ADAMTS12: variants seen among roughly 807,000 people sequenced by gnomAD.
ADAMTS12 encodes the protein A disintegrin and metalloproteinase with thrombospondin motifs 12.
Under a neutral mutation model 167.8 loss-of-function variants are expected in ADAMTS12, and 118 were observed. The ratio of observed to expected loss-of-function variants is 0.70; its 90% CI spans 0.61 to 0.82. The LOEUF is 0.82. ADAMTS12 is among the 40% of genes least tolerant of loss of function. The pLI is 0.00. For synonymous variants in ADAMTS12, 704 were observed against 716.9 expected (o/e 0.98, Z 0.29); for missense variants, 1,916 against 1,998.8 (o/e 0.96, Z 0.79).
At chr5:33,711,088 CA>C (rs1302263522) in intron 3 of ADAMTS12, among the ~76,000 whole-genome samples, 1 of 152,068 alleles carries the variant, frequency 6.6e-6, no homozygotes, top group Non-Finnish European at 1.5e-5. Context: ...CCACCATTTT[CA>C]AATACCATGT....
intron 12 of ADAMTS12, among the ~76,000 whole-genome samples, chr5:33,635,264 G>A (rs1561185230): frequency 6.6e-6 from 1 of 152,090 alleles, no homozygotes; most frequent in Non-Finnish European, 1.5e-5. Flanking sequence ...AGGGTTGTTG[G>A]GTTTTCTAGC....
chr5:33,761,408 T>C (rs1745350173), intron 2 of ADAMTS12, among the ~76,000 whole-genome samples: 1 of 152,138 alleles, frequency 6.6e-6, no homozygotes, highest in Non-Finnish European at 1.5e-5. Context: ...TCACAATGAT[T>C]TGTGGCAGAG....
chr5:33,778,602 T>C (rs1488483256), intron 2 of ADAMTS12, among the ~76,000 whole-genome samples: 1 of 150,234 alleles, frequency 6.7e-6, no homozygotes, highest in Non-Finnish European at 1.5e-5. Flanking sequence ...GACATTGGTC[T>C]TGGCAAGGAT....
At position 33,869,259 on chromosome 5, in the gene ADAMTS12, T is replaced by C. The variant is rs6861879; in HGVS notation, c.489+11860A>G. ...TATGTCAGGCCACTGCTCCAGAGGA[T>C]GCAAGCTGTAAGCCTCAGTGGCTTC... On this transcript the variant is annotated intron_variant, in intron 2 of 23. Transcript: ENST00000504830. 3.3e-3 allele frequency among the ~76,000 whole-genome samples: 504 copies of C among 152,256 alleles called. 2 individuals are homozygous for C. The highest frequency in any genetic ancestry group is 0.011 in the African/African-American group (468 of 41,554).
chr5:33,696,238 G>A (rs921267421), intron 3 of ADAMTS12, among the ~76,000 whole-genome samples: 5 of 151,732 alleles, frequency 3.3e-5, no homozygotes, highest in Non-Finnish European at 7.4e-5. Flanking sequence ...TGGCTAACAC[G>A]GTGAAACCCC....
At chr5:33,819,558 TTTTG>T (rs1747793862) in intron 2 of ADAMTS12, among the ~76,000 whole-genome samples, 1 of 152,094 alleles carries the variant, frequency 6.6e-6, no homozygotes, top group Non-Finnish European at 1.5e-5. Flanking sequence ...TGCAGTTTGT[TTTTG>T]TTTTTGTTTT....
intron 1 of ADAMTS12, among the ~76,000 whole-genome samples, chr5:33,884,441 T>G (rs1750568210): frequency 6.6e-6 from 1 of 152,206 alleles, no homozygotes; most frequent in Admixed American, 6.5e-5. Context: ...TCACCAAATG[T>G]CATTCCAGGC....
At chr5:33,881,521 G>C in intron 1 of ADAMTS12, 41 bp from the exon 2 acceptor site, 2 of 1,581,402 alleles carry the variant, frequency 1.3e-6, no homozygotes, top group Non-Finnish European at 8.6e-7. Context: ...GAGGGAGATT[G>C]GTAGTAAAGC....
chr5:33,675,310 G>A (rs1293913916), intron 5 of ADAMTS12, among the ~76,000 whole-genome samples: 1 of 152,172 alleles, frequency 6.6e-6, no homozygotes, highest in Admixed American at 6.5e-5. Context: ...AAATATATGG[G>A]CAGGTCTGCA....
chr5:33,545,848 C>T (rs1488274656), intron 22 of ADAMTS12, among the ~76,000 whole-genome samples: 2 of 116,706 alleles, frequency 1.7e-5, no homozygotes, highest in Non-Finnish European at 3.3e-5. Flanking sequence ...ACATCACACA[C>T]TGGGGCCTGT....
At chr5:33,636,215 G>A (rs1363238440) in intron 12 of ADAMTS12, among the ~76,000 whole-genome samples, 1 of 152,152 alleles carries the variant, frequency 6.6e-6, no homozygotes, top group Non-Finnish European at 1.5e-5. Context: ...CTAAGCACAT[G>A]TGATATCACT....
intron 2 of ADAMTS12, among the ~76,000 whole-genome samples, chr5:33,873,905 T>C (rs1419825186): frequency 6.6e-6 from 1 of 152,186 alleles, no homozygotes; most frequent in Non-Finnish European, 1.5e-5. Context: ...ATAAATCTTA[T>C]ATTCTTCAAG....
intron 2 of ADAMTS12, among the ~76,000 whole-genome samples, chr5:33,826,356 A>T (rs1056077857): frequency 2.8e-5 from 4 of 143,136 alleles, no homozygotes; most frequent in South Asian, 2.1e-4. Context: ...CTCACCCATT[A>T]AAAAAAATGT....
intron 2 of ADAMTS12, among the ~76,000 whole-genome samples, chr5:33,777,958 A>G (rs1036378275): frequency 1.1e-4 from 17 of 152,044 alleles, no homozygotes; most frequent in African/African-American, 3.1e-4. Flanking sequence ...ATTAGAAATA[A>G]ATTTAATCAG....
chr5:33,624,127 A>G, intron 14 of ADAMTS12, 104 bp downstream of exon 14: 1 of 1,504,858 alleles, frequency 6.6e-7, no homozygotes, highest in Non-Finnish European at 9.0e-7. Flanking sequence ...TGAAAATCAC[A>G]GACTGTTTAA....
chr5:33,597,418 A>G (rs1028241075), intron 16 of ADAMTS12, among the ~76,000 whole-genome samples: 2 of 152,244 alleles, frequency 1.3e-5, no homozygotes, highest in Non-Finnish European at 2.9e-5. Context: ...ACTGGTGTAC[A>G]GAACTCCAGA....
At position 33,577,765 on chromosome 5, in the gene ADAMTS12, T is replaced by C. The variant is rs138146042; in HGVS notation, c.2866-605A>G. 3.8e-3 allele frequency among the ~76,000 whole-genome samples: 576 copies of C among 152,170 alleles called. 4 individuals are homozygous for C. Among genetic ancestry groups the C allele is most frequent in the African/African-American group, 0.014 (562 of 41,514 alleles). On this transcript the variant is annotated intron_variant, in intron 18 of 23. Coordinates refer to ENST00000504830, the MANE Select transcript of ADAMTS12 (RefSeq NM_030955.4). ...ACCTACTCTAAAATTTAAAGGTACATAGTTAATCAAAGGTAGGAAATAGCC... is the reference window on the plus strand; with the variant it reads ...ACCTACTCTAAAATTTAAAGGTACACAGTTAATCAAAGGTAGGAAATAGCC...
At chr5:33,788,009 C>T (rs528590953) in intron 2 of ADAMTS12, among the ~76,000 whole-genome samples, 24 of 152,318 alleles carry the variant, frequency 1.6e-4, no homozygotes, top group African/African-American at 5.8e-4. Flanking sequence ...AATGGCAACA[C>T]TTAGCCACCC....
chr5:33,615,647 C>A (rs1579750433), intron 15 of ADAMTS12, among the ~76,000 whole-genome samples, 181 bp downstream of exon 15: 1 of 152,274 alleles, frequency 6.6e-6, no homozygotes, highest in Admixed American at 6.5e-5. Context: ...ATGGGGGTTT[C>A]AGCAATATCT....
Sources: gnomAD v4.1 joint callset for allele counts (sites outside exome capture counted in the v4.1 genomes callset) on GRCh38, gnomAD v4.1.1 for gene constraint, MANE v1.5 for transcripts, NCBI Gene and HGNC (gene_info 2026-07-23, HGNC 2026-07-21) for gene names.